Variants in RBPMS2 observed in about 807,000 individuals in gnomAD.
The protein encoded by RBPMS2 is RNA-binding protein with multiple splicing 2.
A neutral mutation model predicts 25.7 loss-of-function variants in RBPMS2; 14 were observed. The observed-to-expected ratio is 0.55, with a 90% CI of 0.36 to 0.85. RBPMS2 has a LOEUF of 0.85. Ranked by LOEUF, RBPMS2 falls within the 40% of genes least tolerant of loss-of-function variation. RBPMS2 has a pLI of 0.01. For synonymous variants in RBPMS2, 127 were observed against 115.6 expected, an observed-to-expected ratio of 1.10 and a Z score of -0.63; for missense variants, 252 against 283.4, an observed-to-expected ratio of 0.89 and a Z score of 0.80.
intron 1 of RBPMS2, among the ~76,000 whole-genome samples, chr15:64,752,498 G>A (rs2083691987): frequency 6.6e-6 from 1 of 152,158 alleles, no homozygotes; most frequent in East Asian, 1.9e-4. Context: ...TCTTAGCATG[G>A]TGATGGTACT....
At chr15:64,756,964 G>A (rs113669401) in intron 1 of RBPMS2, among the ~76,000 whole-genome samples, 6,822 of 146,044 alleles carry the variant, frequency 0.047, 519 homozygotes, top group African/African-American at 0.16. Context: ...CACCATGCCC[G>A]GCCTCATTTT....
intron 3 of RBPMS2, 63 bp downstream of exon 3, chr15:64,750,280 C>G (rs1567064852): frequency 7.1e-7 from 1 of 1,413,396 alleles, no homozygotes. Context: ...GTTAACGGGC[C>G]CTTGTTTGAA....
chr15:64,764,690 C>T (rs1396112989), intron 1 of RBPMS2, among the ~76,000 whole-genome samples: 10 of 151,852 alleles, frequency 6.6e-5, no homozygotes, highest in African/African-American at 1.4e-4. Context: ...CTGAGGCGGG[C>T]GGATCACGAA....
In RBPMS2 at chr15:64,775,220, G is replaced by A; in HGVS notation, c.87+13C>T. The A allele has an allele frequency of 8.0e-7, 1 of 1,256,274 alleles. No homozygotes were observed. The highest frequency in any genetic ancestry group is 1.0e-6 in the Non-Finnish European group (1 of 997,322). The allele number at this position is 1,256,274 out of a possible 1,614,324, so 77.8% of individuals were successfully genotyped here. On this transcript the variant is annotated intron_variant, in intron 1 of 7. Transcript: ENST00000300069. ...TGCGCTTCACCCGGCAAGTCCCGGG[G>A]CCACAGACCCACCTCCTCCTCCAGG...
intron 1 of RBPMS2, among the ~76,000 whole-genome samples, chr15:64,760,220 C>A (rs1486492819): frequency 6.6e-6 from 1 of 152,188 alleles, no homozygotes; most frequent in Non-Finnish European, 1.5e-5. Flanking sequence ...AAGAACAGGA[C>A]TGGGACATGG....
chr15:64,762,046 C>T (rs889383809), intron 1 of RBPMS2, among the ~76,000 whole-genome samples: 5 of 152,044 alleles, frequency 3.3e-5, no homozygotes, highest in African/African-American at 1.2e-4. Context: ...GAGGTGGGGT[C>T]TCACCATGTT....
chr15:64,762,422 C>T (rs1177273617), intron 1 of RBPMS2: 1 of 534,734 alleles, frequency 1.9e-6, no homozygotes, highest in East Asian at 5.5e-5. Context: ...GAGCTGCAGC[C>T]TACATTTCTA....
At chr15:64,741,021 G>A (rs529683546) in intron 7 of RBPMS2, 21 bp from the exon 8 acceptor site, 13 of 583,538 alleles carry the variant, frequency 2.2e-5, no homozygotes, top group African/African-American at 7.5e-5. Context: ...GGAGAGAGGC[G>A]GCCGTGAGCA....
rs546172097 is a variant in RBPMS2 at position 64,743,450 on chromosome 15, A to T, written c.568-2208T>A. Among the ~76,000 whole-genome samples the T allele has an allele frequency of 1.1e-4, 17 of 152,382 alleles. No individual in the cohort carries two copies. The South Asian group carries it at 3.3e-3, about 30-fold the overall frequency. ...CAGCTGTGCCACTGAAGCAGACGGA[A>T]TGCATTTAGAAGGGCTGCTTTTCCG... is the stretch of plus-strand genomic sequence containing the variant. On this transcript the variant is annotated intron_variant, in intron 6 of 7. Coordinates refer to ENST00000300069, the MANE Select transcript of RBPMS2 (RefSeq NM_194272.3).
chr15:64,749,373 C>T, intron 4 of RBPMS2, 58 bp downstream of exon 4: 2 of 1,484,428 alleles, frequency 1.3e-6, no homozygotes, highest in African/African-American at 1.4e-5. Flanking sequence ...GATACATCTG[C>T]ACACCCACTG....
intron 1 of RBPMS2, among the ~76,000 whole-genome samples, chr15:64,765,253 C>CA (rs959840531): frequency 2.0e-5 from 2 of 99,610 alleles, no homozygotes; most frequent in Non-Finnish European, 4.1e-5. Flanking sequence ...AAAAAAAAAG[C>CA]AAAAAACAAA....
intron 4 of RBPMS2, 88 bp from the exon 5 acceptor site, chr15:64,749,238 A>C (rs1567064470): frequency 2.0e-6 from 3 of 1,520,894 alleles, no homozygotes; most frequent in Non-Finnish European, 2.7e-6. Flanking sequence ...GCCATAAACA[A>C]GCTCGCCTCG....
At chr15:64,758,533 C>A (rs1011483484) in intron 1 of RBPMS2, among the ~76,000 whole-genome samples, 2 of 152,150 alleles carry the variant, frequency 1.3e-5, no homozygotes, top group Non-Finnish European at 2.9e-5. Context: ...GGTTGTGTAC[C>A]CATACAGAAT....
chr15:64,760,269 G>T (rs372797702), intron 1 of RBPMS2, among the ~76,000 whole-genome samples: 6 of 152,206 alleles, frequency 3.9e-5, no homozygotes, highest in African/African-American at 1.4e-4. Flanking sequence ...CCCCACACTT[G>T]GTCAGAAGTG....
intron 1 of RBPMS2, among the ~76,000 whole-genome samples, chr15:64,755,628 T>A (rs983536425): frequency 6.6e-6 from 1 of 152,108 alleles, no homozygotes; most frequent in African/African-American, 2.4e-5. Flanking sequence ...CTCATCAGCG[T>A]CATGGGTGGG....
intron 3 of RBPMS2, among the ~76,000 whole-genome samples, chr15:64,750,043 C>T (rs2083661109): frequency 6.7e-6 from 1 of 148,198 alleles, no homozygotes; most frequent in Admixed American, 6.7e-5. Flanking sequence ...GCAACAAGAG[C>T]AAAACTCCAT....
At chr15:64,741,913 C>A (rs1478693917) in intron 6 of RBPMS2, among the ~76,000 whole-genome samples, 2 of 152,218 alleles carry the variant, frequency 1.3e-5, no homozygotes, top group African/African-American at 2.4e-5. Context: ...CGCCTGTAAT[C>A]CCAGCACTTT....
At chr15:64,775,112 C>T (rs963987845) in intron 1 of RBPMS2, 121 bp downstream of exon 1, 1 of 443,900 alleles carries the variant, frequency 2.3e-6, no homozygotes, top group East Asian at 4.8e-5. Flanking sequence ...AGGGCAGCGG[C>T]GGGAAGGCGC....
chr15:64,746,980 A>C (rs542962432), intron 6 of RBPMS2, among the ~76,000 whole-genome samples: 22 of 152,270 alleles, frequency 1.4e-4, no homozygotes, highest in African/African-American at 4.1e-4. Flanking sequence ...GTCAGGGTAG[A>C]CAGGATGAGC....
Sources: gnomAD v4.1 joint callset for allele counts (sites outside exome capture counted in the v4.1 genomes callset) on GRCh38, gnomAD v4.1.1 for gene constraint, MANE v1.5 for transcripts, NCBI Gene and HGNC (gene_info 2026-07-23, HGNC 2026-07-21) for gene names.